Variants in NRG1 observed in about 807,000 individuals in gnomAD.
The protein encoded by NRG1 is pro-neuregulin-1, membrane-bound isoform.
In NRG1, 18 loss-of-function variants were observed where a neutral mutation model predicts 63.8. The ratio of observed to expected loss-of-function variants is 0.28; its 90% CI spans 0.19 to 0.42. The LOEUF is 0.42. Among genes scored for constraint, NRG1 ranks in the 10% least tolerant of loss-of-function variants. The probability of loss-of-function intolerance (pLI) is 1.00; values close to 1 mark genes in which losing one functional copy is unlikely to be tolerated. For missense variants in NRG1, 762 were observed against 814.7 expected (o/e 0.94, Z 0.79); for synonymous variants, 302 against 301.3 (o/e 1.00, Z -0.02).
At chr8:31,646,994 GA>G (rs892574226) in intron 1 of NRG1, among the ~76,000 whole-genome samples, 1 of 151,464 alleles carries the variant, frequency 6.6e-6, no homozygotes, top group African/African-American at 2.4e-5. Context: ...AGCCCAGCAG[GA>G]AAAAAAAATT....
intron 3 of NRG1, among the ~76,000 whole-genome samples, chr8:32,611,668 A>G (rs1045583350): frequency 2.6e-5 from 4 of 152,188 alleles, no homozygotes; most frequent in East Asian, 3.9e-4. Context: ...AGTTATCTTT[A>G]TAACTGCTAA....
intron 1 of NRG1, among the ~76,000 whole-genome samples, chr8:32,129,716 C>T (rs1834555453): frequency 6.6e-6 from 1 of 151,834 alleles, no homozygotes; most frequent in Non-Finnish European, 1.5e-5. Flanking sequence ...TTCCCCAGAT[C>T]ACGATAAAAA....
At chr8:32,071,306 A>G (rs757067509) in intron 1 of NRG1, among the ~76,000 whole-genome samples, 8 of 152,242 alleles carry the variant, frequency 5.3e-5, no homozygotes, top group Non-Finnish European at 7.3e-5. Flanking sequence ...ATTGCAGATT[A>G]CATGATTGTT....
intron 7 of NRG1, chr8:32,749,029 A>T (rs76115139): frequency 0.094 from 16,019 of 171,238 alleles, 877 homozygotes; most frequent in Admixed American, 0.1. Flanking sequence ...GCTACCCACA[A>T]TCAAAAATCC....
intron 1 of NRG1, among the ~76,000 whole-genome samples, chr8:32,410,078 A>C (rs746332070): frequency 6.6e-6 from 1 of 152,092 alleles, no homozygotes; most frequent in Non-Finnish European, 1.5e-5. Flanking sequence ...GCAGGACTCA[A>C]TATCCCCCTG....
At chr8:32,553,205 A>G (rs1167154115) in intron 1 of NRG1, among the ~76,000 whole-genome samples, 1 of 152,160 alleles carries the variant, frequency 6.6e-6, no homozygotes, top group Non-Finnish European at 1.5e-5. Flanking sequence ...TATTATTATT[A>G]TCATGAGGGT....
At chr8:32,495,531 C>G (rs1294557987) in intron 1 of NRG1, among the ~76,000 whole-genome samples, 1 of 151,444 alleles carries the variant, frequency 6.6e-6, no homozygotes, top group Non-Finnish European at 1.5e-5. Context: ...GGTGTGATCT[C>G]GGCTCACTGA....
chr8:32,046,905 T>A (rs566687268), intron 1 of NRG1, among the ~76,000 whole-genome samples: 1 of 152,200 alleles, frequency 6.6e-6, no homozygotes, highest in East Asian at 1.9e-4. Context: ...ATGATTTATA[T>A]GACTATAAAT....
At chr8:31,684,831 T>G (rs1159749602) in intron 1 of NRG1, among the ~76,000 whole-genome samples, 2 of 152,050 alleles carry the variant, frequency 1.3e-5, no homozygotes, top group Admixed American at 6.6e-5. Context: ...AGTTCACTGG[T>G]GTTTTTGCCT....
At chr8:31,779,123 G>T (rs1297886918) in intron 1 of NRG1, among the ~76,000 whole-genome samples, 1 of 152,066 alleles carries the variant, frequency 6.6e-6, no homozygotes, top group Admixed American at 6.6e-5. Flanking sequence ...TTCATCATCT[G>T]TTTGATCTTG....
intron 1 of NRG1, among the ~76,000 whole-genome samples, chr8:32,245,873 A>G (rs1848548685): frequency 6.6e-6 from 1 of 152,158 alleles, no homozygotes; most frequent in South Asian, 2.1e-4. Context: ...TACCTACAGT[A>G]TCTATAAATT....
At position 32,725,466 on chromosome 8, in the gene NRG1, T is replaced by C. The variant is rs1278315035; in HGVS notation, c.503-2483T>C. Among the ~76,000 whole-genome samples the C allele has an allele frequency of 6.0e-3, 176 of 29,214 alleles. 1 individual carries two copies. Among genetic ancestry groups the C allele is most frequent in the Non-Finnish European group, 0.011 (143 of 13,462 alleles). 19.2% of individuals were successfully genotyped at this position (29,214 alleles called of 152,430 possible). ...TAACATTCGAGGCAAACTTCCTAAT[T>C]TTTTTTTTTTTTTTTTTTTTTTTTT... is the stretch of plus-strand genomic sequence containing the variant. On this transcript the variant is annotated intron_variant, in intron 5 of 11. Coordinates refer to ENST00000356819, the Ensembl canonical transcript of NRG1.
intron 1 of NRG1, among the ~76,000 whole-genome samples, chr8:31,846,858 G>A (rs1031443995): frequency 6.6e-6 from 1 of 152,136 alleles, no homozygotes; most frequent in East Asian, 1.9e-4. Flanking sequence ...TATGCATTTT[G>A]TCATTTAGTG....
intron 1 of NRG1, among the ~76,000 whole-genome samples, chr8:32,367,713 G>A (rs1215671740): frequency 6.6e-6 from 1 of 151,768 alleles, no homozygotes; most frequent in East Asian, 1.9e-4. Flanking sequence ...TTTGTTTTTT[G>A]TTGCTTTTGA....
At chr8:31,849,296 A>G (rs962359284) in intron 1 of NRG1, among the ~76,000 whole-genome samples, 1 of 152,196 alleles carries the variant, frequency 6.6e-6, no homozygotes, top group African/African-American at 2.4e-5. Flanking sequence ...AACCTTAAAT[A>G]AGGCTCTCAC....
chr8:31,788,000 A>G, intron 1 of NRG1, among the ~76,000 whole-genome samples: 1 of 152,082 alleles, frequency 6.6e-6, no homozygotes, highest in East Asian at 1.9e-4. Context: ...TATTAACCCA[A>G]TTTTGCCAGA....
At chr8:32,321,995 A>G (rs1801446314) in intron 1 of NRG1, among the ~76,000 whole-genome samples, 1 of 151,960 alleles carries the variant, frequency 6.6e-6, no homozygotes, top group Non-Finnish European at 1.5e-5. Context: ...GTGAGTAAAT[A>G]TTTCTTTTCC....
chr8:31,945,432 C>T (rs1482325196), intron 1 of NRG1, among the ~76,000 whole-genome samples: 1 of 152,108 alleles, frequency 6.6e-6, no homozygotes, highest in Admixed American at 6.5e-5. Context: ...TGCTGTTATA[C>T]TCTGAATTTG....
In NRG1 at chr8:31,640,196, C is replaced by T; in HGVS notation, c.37+765C>T. 8.4e-7 allele frequency: 1 copy of T among 1,185,220 alleles called. No individual in the cohort carries two copies. The highest frequency in any genetic ancestry group is 1.0e-6 in the Non-Finnish European group (1 of 956,988). 73.4% of individuals were successfully genotyped at this position (1,185,220 alleles called of 1,614,324 possible). ...TACTCGTCCCCGCCCAGCGTGGGAT[C>T]GGTGCAGGAGCTAGCTCAGCGCGCC... On this transcript the variant is annotated intron_variant, in intron 1 of 10. Coordinates refer to the NRG1 transcript ENST00000519301. This position sits in a 1 kb window ranked among gnomAD's most constrained non-coding sequence, Gnocchi z 6.3.
Sources: gnomAD v4.1 joint callset for allele counts (sites outside exome capture counted in the v4.1 genomes callset) on GRCh38, gnomAD v4.1.1 for gene constraint, Gnocchi (gnomAD v3.1) non-coding constraint, MANE v1.5 for transcripts, NCBI Gene and HGNC (gene_info 2026-07-23, HGNC 2026-07-21) for gene names.